Variants in RAB3IL1 observed in about 807,000 individuals in gnomAD.
The protein encoded by RAB3IL1 is guanine nucleotide exchange factor for Rab-3A.
RAB3IL1 carries 37 observed loss-of-function variants against 49.2 expected under a neutral mutation model. The observed-to-expected ratio is 0.75, with a 90% CI of 0.58 to 0.99. The LOEUF (loss-of-function observed/expected upper bound fraction) is 0.99, where lower values mean the gene tolerates loss of function less well. Among genes scored for constraint, RAB3IL1 ranks in the 50% least tolerant of loss-of-function variants. RAB3IL1 has a pLI of 0.00. For missense variants in RAB3IL1, 484 were observed against 513.0 expected, an observed-to-expected ratio of 0.94 and a Z score of 0.55; for synonymous variants, 193 against 213.9, an observed-to-expected ratio of 0.90 and a Z score of 0.85.
upstream of RAB3IL1, among the ~76,000 whole-genome samples, chr11:61,921,233 G>A (rs73491252): frequency 9.2e-5 from 14 of 151,862 alleles, 1 homozygote; most frequent in Non-Finnish European, 5.9e-5. Context: ...CACCACCACC[G>A]CCCAGGAACA....
rs1470771899 is a variant in RAB3IL1, at chr11:61,907,397, C to A, written c.434G>T (p.Gly145Val). 1 of 1,613,338 alleles carries A rather than the reference C, an allele frequency of 6.2e-7. No homozygotes were observed. The highest frequency in any genetic ancestry group is 1.3e-5 in the African/African-American group (1 of 74,918). ...ASEKQLKEAR[G>V]KIDMLQAEVT... is the part of the protein sequence containing the mutation. ...GCAGGCGGGGATGGGCCTCACCTTG[C>A]CCCGAGCCTCCTTCAGCTGCTTTTC... The change falls in exon 4 of 10, where the codon GGC becomes GTC. Residue 145 changes from glycine to valine, a missense_variant. By Grantham distance (109) the Gly-to-Val change is moderately radical (BLOSUM62 -3). Coordinates refer to ENST00000394836, the MANE Select transcript of RAB3IL1 (RefSeq NM_013401.4).
the RAB3IL1 span, among the ~76,000 whole-genome samples, chr11:61,929,740 C>G: frequency 6.6e-6 from 1 of 151,598 alleles, no homozygotes; most frequent in South Asian, 2.1e-4. Flanking sequence ...TGTGCACCAC[C>G]ACACCCAGCT....
At chr11:61,930,087 G>C in the RAB3IL1 span, among the ~76,000 whole-genome samples, 7 of 151,366 alleles carry the variant, frequency 4.6e-5, no homozygotes, top group Non-Finnish European at 1.0e-4. Context: ...GTAGAGGCAG[G>C]GTTTTGCCAC....
chr11:61,902,604 C>T, intron 7 of RAB3IL1, 63 bp from the exon 8 acceptor site: 3 of 1,392,054 alleles, frequency 2.2e-6, no homozygotes, highest in Non-Finnish European at 3.0e-6. Flanking sequence ...CTCACCCCTG[C>T]ATACAGGGAA....
At chr11:61,932,512 G>C in the RAB3IL1 span, among the ~76,000 whole-genome samples, 2 of 152,062 alleles carry the variant, frequency 1.3e-5, no homozygotes, top group Non-Finnish European at 2.9e-5. Flanking sequence ...TTATTTGTTT[G>C]GTATTTCTTT....
chr11:61,936,869 A>C, the RAB3IL1 span, among the ~76,000 whole-genome samples: 1 of 152,298 alleles, frequency 6.6e-6, no homozygotes, highest in Admixed American at 6.5e-5. Context: ...CAGAAAAAAA[A>C]GGAGAACTCA....
the RAB3IL1 span, among the ~76,000 whole-genome samples, chr11:61,927,966 A>G: frequency 6.6e-6 from 1 of 152,202 alleles, no homozygotes; most frequent in Non-Finnish European, 1.5e-5. Flanking sequence ...GAACTAATAC[A>G]GTATGCTAGG....
the RAB3IL1 span, among the ~76,000 whole-genome samples, chr11:61,944,703 T>C: frequency 6.6e-6 from 1 of 152,158 alleles, no homozygotes; most frequent in East Asian, 1.9e-4. Context: ...CTAATGTTTG[T>C]TTTTGTTTTG....
chr11:61,925,268 A>C (rs933236510), upstream of RAB3IL1, among the ~76,000 whole-genome samples: 12 of 152,168 alleles, frequency 7.9e-5, no homozygotes, highest in African/African-American at 2.6e-4. Flanking sequence ...TCCACCAGTC[A>C]CTCTCTCAGG....
chr11:61,915,606 A>G (rs1045063246), intron 1 of RAB3IL1, among the ~76,000 whole-genome samples: 3 of 152,002 alleles, frequency 2.0e-5, no homozygotes, highest in Non-Finnish European at 4.4e-5. Context: ...CCCAAACACA[A>G]TTCACCCCGG....
intron 4 of RAB3IL1, 91 bp downstream of exon 4, chr11:61,907,302 C>G: frequency 7.3e-7 from 1 of 1,360,876 alleles, no homozygotes; most frequent in Admixed American, 1.9e-5. Context: ...GCCAGGTGAG[C>G]GTCCACTCGG....
At chr11:61,931,345 A>C in the RAB3IL1 span, among the ~76,000 whole-genome samples, 1 of 152,232 alleles carries the variant, frequency 6.6e-6, no homozygotes, top group East Asian at 1.9e-4. Flanking sequence ...CAACTCACTC[A>C]GTCACCAGGA....
chr11:61,944,242 C>CCTTCCTTCCTTCCTTCCTTCCTTCCTTT, the RAB3IL1 span, among the ~76,000 whole-genome samples: 9,926 of 126,858 alleles, frequency 0.078, 753 homozygotes, highest in Non-Finnish European at 0.11. Context: ...TTCCTTCCTT[C>CCTTCCTTCCTTCCTTCCTTCCTTCCTTT]CTTCCTTCCT....
At position 61,914,002 on chromosome 11, in the gene RAB3IL1, C is replaced by T. The variant is rs977347935; in HGVS notation, c.11+3355G>A. The stretch of plus-strand genomic sequence containing the variant: ...AGGGGTAGAGTAGGCAGTTAGATCA[C>T]GGAGGGCTTCCAGGGAGCAGCAACA... On this transcript the variant is annotated intron_variant, in intron 1 of 9. Coordinates refer to ENST00000394836, the MANE Select transcript of RAB3IL1 (RefSeq NM_013401.4). 3.9e-4 allele frequency among the ~76,000 whole-genome samples: 59 copies of T among 152,286 alleles called. 1 individual carries two copies. Among genetic ancestry groups the T allele is most frequent in the African/African-American group, 1.4e-3 (59 of 41,546 alleles).
chr11:61,920,301 C>A (rs74858948), upstream of RAB3IL1: 3,644 of 1,226,786 alleles, frequency 3.0e-3, 83 homozygotes, highest in African/African-American at 0.05. Flanking sequence ...TGCTATCTCC[C>A]CAGAGCAGCA....
chr11:61,932,176 G>A, the RAB3IL1 span, among the ~76,000 whole-genome samples: 5 of 151,368 alleles, frequency 3.3e-5, no homozygotes, highest in South Asian at 2.1e-4. Context: ...GCGTGAACCC[G>A]GGAGGTGGAG....
upstream of RAB3IL1, chr11:61,919,980 T>C: frequency 5.3e-6 from 6 of 1,134,152 alleles, no homozygotes; most frequent in Non-Finnish European, 5.6e-6. Context: ...CTTCTCACAC[T>C]GGCTGCCCTG....
At chr11:61,920,638 T>A (rs1939881358), upstream of RAB3IL1, among the ~76,000 whole-genome samples, 1 of 152,200 alleles carries the variant, frequency 6.6e-6, no homozygotes, top group Non-Finnish European at 1.5e-5. Context: ...AAAACTTTGT[T>A]ATTGGTGGGG....
the RAB3IL1 span, among the ~76,000 whole-genome samples, chr11:61,934,933 A>AAAAAC: frequency 5.3e-5 from 8 of 152,178 alleles, no homozygotes; most frequent in East Asian, 1.9e-4. Flanking sequence ...AAAGTCACCA[A>AAAAAC]AAAACAAAAC....
Sources: allele counts gnomAD v4.1 joint callset (sites outside exome capture counted in the v4.1 genomes callset), GRCh38; gene constraint gnomAD v4.1.1; transcripts MANE v1.5; gene names NCBI Gene and HGNC (gene_info 2026-07-23, HGNC 2026-07-21).